DYNLL1: variants seen among roughly 807,000 people sequenced by gnomAD.
DYNLL1 encodes dynein light chain LC8-type 1.
Under a neutral mutation model 10.1 loss-of-function variants are expected in DYNLL1, and 3 were observed. That is an observed-to-expected ratio of 0.30 (90% CI 0.14 to 0.77). The LOEUF (loss-of-function observed/expected upper bound fraction) is 0.77. Ranked by LOEUF, DYNLL1 falls within the 30% of genes least tolerant of loss-of-function variation. DYNLL1 has a pLI of 0.66. For missense variants in DYNLL1, 47 were observed against 111.7 expected (o/e 0.42, Z 2.61); for synonymous variants, 46 against 41.2 (o/e 1.12, Z -0.45).
intron 1 of DYNLL1, among the ~76,000 whole-genome samples, chr12:120,480,845 C>T (rs932841237): frequency 6.6e-5 from 10 of 151,974 alleles, no homozygotes; most frequent in South Asian, 6.2e-4. Context: ...CTGCAAGCTC[C>T]GCCTCCCGGG....
chr12:120,472,490 G>A (rs760539499), intron 1 of DYNLL1, among the ~76,000 whole-genome samples: 2 of 152,104 alleles, frequency 1.3e-5, no homozygotes, highest in Admixed American at 6.6e-5. Context: ...GCATCCGAAA[G>A]TCCAGATGCC....
intron 1 of DYNLL1, chr12:120,490,706 G>A (rs1337558213): frequency 6.6e-6 from 1 of 152,218 alleles, no homozygotes; most frequent in Non-Finnish European, 1.5e-5. Context: ...TGTTGAAACT[G>A]GGGGTGTGGT....
chr12:120,487,272 CTTTTTTTTTTTTTTTTT>C (rs71076619), intron 1 of DYNLL1, among the ~76,000 whole-genome samples: 7 of 50,378 alleles, frequency 1.4e-4, no homozygotes, highest in African/African-American at 4.4e-4. Flanking sequence ...CGTGCCCGGC[CTTTTTTTTTTTTTTTTT>C]TTTTTTTTTT....
In DYNLL1 at chr12:120,487,263, G is replaced by A. The variant is rs1327194957; in HGVS notation, c.-6-9153G>A. On this transcript the variant is annotated intron_variant, in intron 1 of 2. Transcript: ENST00000392509. ...GCTGGGATTACAGGCGTAAGCCACC[G>A]TGCCCGGCCTTTTTTTTTTTTTTTT... Among the ~76,000 whole-genome samples, 14 of 119,552 alleles carry A rather than the reference G, an allele frequency of 1.2e-4. 1 individual carries two copies. The highest frequency in any genetic ancestry group is 2.8e-4 in the South Asian group (1 of 3,546). 78.4% of individuals were successfully genotyped at this position (119,552 alleles called of 152,430 possible).
chr12:120,484,821 C>T (rs1284402830), intron 1 of DYNLL1, among the ~76,000 whole-genome samples: 3 of 151,942 alleles, frequency 2.0e-5, no homozygotes, highest in East Asian at 3.9e-4. Flanking sequence ...TCACTGCAAC[C>T]TCCGCTTTGC....
chr12:120,494,939 C>T (rs141381799), upstream of DYNLL1, among the ~76,000 whole-genome samples: 295 of 152,326 alleles, frequency 1.9e-3, 1 homozygote, highest in Non-Finnish European at 2.7e-3. Context: ...GTTGTATAAA[C>T]TGACAATTAT....
upstream of DYNLL1, among the ~76,000 whole-genome samples, chr12:120,492,338 T>C (rs564165856): frequency 6.6e-6 from 1 of 152,142 alleles, no homozygotes; most frequent in African/African-American, 2.4e-5. This position sits in a 1 kb window ranked among gnomAD's most constrained non-coding sequence, Gnocchi z 4.1. Flanking sequence ...ACCTACGAGG[T>C]GGGTGGATCA....
chr12:120,496,189 T>C lies in DYNLL1; in HGVS notation c.-34T>C, dbSNP rs1164480330. On this transcript the variant is annotated 5_prime_UTR_variant, in exon 1 of 3. Coordinates refer to ENST00000242577, the MANE Select transcript of DYNLL1 (RefSeq NM_003746.3). ...TGCTAGCACCTCCCCCAGGAGACCGTTGCAGTCGGCCAGCCCCCTTCTCCA... is the reference window on the plus strand; with the variant it reads ...TGCTAGCACCTCCCCCAGGAGACCGCTGCAGTCGGCCAGCCCCCTTCTCCA... 2 of 631,550 alleles carry C rather than the reference T, an allele frequency of 3.2e-6. No individual in the cohort carries two copies. Among genetic ancestry groups the C allele is most frequent in the Non-Finnish European group, 5.5e-6 (2 of 364,718 alleles). 39.1% of individuals were successfully genotyped at this position (631,550 alleles called of 1,614,324 possible).
At chr12:120,490,027 C>T (rs528440214) in intron 1 of DYNLL1, among the ~76,000 whole-genome samples, 1 of 152,372 alleles carries the variant, frequency 6.6e-6, no homozygotes, top group East Asian at 1.9e-4. Flanking sequence ...GGATTACAGG[C>T]GTAAGCCACC....
At chr12:120,487,208 C>G (rs1179389640) in intron 1 of DYNLL1, among the ~76,000 whole-genome samples, 4 of 141,892 alleles carry the variant, frequency 2.8e-5, no homozygotes, top group Non-Finnish European at 6.0e-5. Flanking sequence ...TCTCTGACCT[C>G]GTGATCCACC....
chr12:120,475,732 G>T (rs963977301), intron 1 of DYNLL1, among the ~76,000 whole-genome samples: 1 of 151,990 alleles, frequency 6.6e-6, no homozygotes, highest in Non-Finnish European at 1.5e-5. Context: ...ATACAGGACA[G>T]CGTAGGAATT....
intron 2 of DYNLL1, chr12:120,497,822 A>G: frequency 2.1e-6 from 1 of 480,094 alleles, no homozygotes; most frequent in South Asian, 2.9e-5. Context: ...ATAACAAAAC[A>G]CCCTGTCTTT....
intron 1 of DYNLL1, among the ~76,000 whole-genome samples, chr12:120,477,384 A>G (rs1286624451): frequency 6.6e-6 from 1 of 152,170 alleles, no homozygotes; most frequent in Non-Finnish European, 1.5e-5. Context: ...GCCATAGAAC[A>G]TTGAGCCTGG....
At chr12:120,497,978 C>T in intron 2 of DYNLL1, 95 bp from the exon 3 acceptor site, 1 of 1,260,246 alleles carries the variant, frequency 7.9e-7, no homozygotes, top group South Asian at 1.5e-5. Context: ...TGCTGACGTT[C>T]CTCCTTTCTG....
rs149693646 is a variant in DYNLL1, at chr12:120,480,626, C to T, written c.-7+10522C>T. On this transcript the variant is annotated intron_variant, in intron 1 of 2. Coordinates refer to the DYNLL1 transcript ENST00000392509. ...TCCCGAGTCTTTGCCTGGCCAAGGC[C>T]TCCTCAGCCTTCAGGTCCTTGACTT... 5.3e-4 allele frequency among the ~76,000 whole-genome samples: 81 copies of T among 152,328 alleles called. No individual in the cohort carries two copies. The Middle Eastern group carries it at 0.01, about 19-fold the overall frequency.
At chr12:120,495,854 C>G (rs888466816), upstream of DYNLL1, 1 of 161,194 alleles carries the variant, frequency 6.2e-6, no homozygotes, top group Non-Finnish European at 1.4e-5. Flanking sequence ...CCTCGTAACC[C>G]GGCCGGGGCT....
chr12:120,470,375 G>C (rs1878619095), intron 1 of DYNLL1, among the ~76,000 whole-genome samples: 1 of 152,108 alleles, frequency 6.6e-6, no homozygotes, highest in Non-Finnish European at 1.5e-5. Flanking sequence ...AGCTCAGGTA[G>C]ACACCCACCT....
intron 1 of DYNLL1, among the ~76,000 whole-genome samples, chr12:120,472,819 G>A (rs1478424870): frequency 1.3e-5 from 2 of 152,196 alleles, no homozygotes; most frequent in African/African-American, 2.4e-5. Context: ...ATAGAGCACA[G>A]CTAAATCCTT....
At chr12:120,496,735 T>C in intron 2 of DYNLL1, 182 bp downstream of exon 2, 1 of 790,544 alleles carries the variant, frequency 1.3e-6, no homozygotes, top group Non-Finnish European at 1.9e-6. Context: ...ACCCCCGGCG[T>C]CCGAAGTTTT....
Sources: gnomAD v4.1 joint callset for allele counts (sites outside exome capture counted in the v4.1 genomes callset) on GRCh38, gnomAD v4.1.1 for gene constraint, Gnocchi (gnomAD v3.1) non-coding constraint, MANE v1.5 for transcripts, NCBI Gene and HGNC (gene_info 2026-07-23, HGNC 2026-07-21) for gene names.